RNF6: variants seen among roughly 807,000 people sequenced by gnomAD.
The protein encoded by RNF6 is E3 ubiquitin-protein ligase RNF6.
RNF6 carries 21 observed loss-of-function variants against 50.1 expected under a neutral mutation model. The ratio of observed to expected loss-of-function variants is 0.42; its 90% confidence interval spans 0.30 to 0.60. The LOEUF is 0.60. Among genes scored for constraint, RNF6 ranks in the 20% least tolerant of loss-of-function variants. The pLI is 0.20. For synonymous variants in RNF6, 255 were observed against 291.8 expected, an observed-to-expected ratio of 0.87 and a Z score of 1.29; for missense variants, 698 against 838.2, an observed-to-expected ratio of 0.83 and a Z score of 2.07.
chr13:26,172,307 C>G (rs972857074), intron 5 of RNF6, among the ~76,000 whole-genome samples: 2 of 152,064 alleles, frequency 1.3e-5, no homozygotes, highest in African/African-American at 4.8e-5. Context: ...TCTTCCACTA[C>G]TCACAAAAAT....
Position 26,199,983 on chromosome 13 carries a change from C to T in RNF6, n.768+15491G>A, listed in dbSNP as rs552163981. Reference sequence around the variant, plus strand: ...TCCCAGCGAGCTCTCACCCCTTCCACCCTGTGGAAGAAGCCACTTATGAAG... The same window carrying T: ...TCCCAGCGAGCTCTCACCCCTTCCATCCTGTGGAAGAAGCCACTTATGAAG... On this transcript the variant is annotated intron_variant and non_coding_transcript_variant, in intron 5 of 5. Coordinates refer to the RNF6 transcript ENST00000468480. Among the ~76,000 whole-genome samples the T allele has an allele frequency of 2.6e-5, 4 of 152,232 alleles. No homozygotes were observed. The East Asian group carries it at 5.8e-4, about 22-fold the overall frequency.
rs1410335680 is a variant in RNF6, at chr13:26,213,804, T to G, written c.*20A>C. On this transcript the variant is annotated 3_prime_UTR_variant, in exon 5 of 5. Coordinates refer to ENST00000381588, the MANE Select transcript of RNF6 (RefSeq NM_005977.4). Reference sequence around the variant, plus strand: ...CATTCAGTTCTACTAAAAAACAGTATTTGAGTAGATCCCATCACCTTACCC... The same window carrying G: ...CATTCAGTTCTACTAAAAAACAGTAGTTGAGTAGATCCCATCACCTTACCC... The G allele has an allele frequency of 1.3e-6, 2 of 1,558,402 alleles. No homozygotes were observed. The highest frequency in any genetic ancestry group is 3.8e-5 in the Admixed American group (2 of 53,146).
At chr13:26,216,632 T>C (rs1869903455) in intron 4 of RNF6, among the ~76,000 whole-genome samples, 1 of 152,114 alleles carries the variant, frequency 6.6e-6, no homozygotes, top group African/African-American at 2.4e-5. Context: ...CTACACAAAC[T>C]TCAACTTTAA....
Position 26,214,263 on chromosome 13 carries a change from C to A in RNF6, c.1619G>T (p.Arg540Met). ...TTCAGTGCTGTCTCCTTGGGCCTGC[C>A]TGTCTTGAGAGGAACCTTCCCTGTG... is the stretch of plus-strand genomic sequence containing the variant. Reference protein sequence around the residue: ...SQHREGSSQDRQAQGDSTEMH... With the variant: ...SQHREGSSQDMQAQGDSTEMH... Residue 540 changes from arginine to methionine, a missense_variant, in exon 5 of 5, where the codon AGG (arginine) becomes ATG (methionine). Coordinates refer to ENST00000381588, the MANE Select transcript of RNF6 (RefSeq NM_005977.4). The A allele has an allele frequency of 6.2e-7, 1 of 1,614,150 alleles. No individual in the cohort carries two copies. Among genetic ancestry groups the A allele is most frequent in the South Asian group, 1.1e-5 (1 of 91,082 alleles).
chr13:26,147,785 C>G (rs891669305), intron 5 of RNF6, among the ~76,000 whole-genome samples: 2 of 152,154 alleles, frequency 1.3e-5, no homozygotes, highest in Non-Finnish European at 2.9e-5. Flanking sequence ...CTACAGGACA[C>G]AAGAGTCTCC....
intron 5 of RNF6, among the ~76,000 whole-genome samples, chr13:26,138,953 T>C (rs1229446500): frequency 1.3e-5 from 2 of 152,220 alleles, no homozygotes; most frequent in Non-Finnish European, 2.9e-5. Context: ...AAATTATTCT[T>C]CTTCTTTGTA....
rs185598317 is a variant in RNF6 at position 26,205,808 on chromosome 13, G to A, written n.768+9666C>T. On this transcript the variant is annotated intron_variant and non_coding_transcript_variant, in intron 5 of 5. Coordinates refer to the RNF6 transcript ENST00000468480. ...GCAGGAGGATCGCTTGAGTCCAGGA[G>A]TTTGAGACCAGCCTGTCACATGTCG... 1.5e-3 allele frequency among the ~76,000 whole-genome samples: 222 copies of A among 152,320 alleles called. 1 individual carries two copies. Among genetic ancestry groups the A allele is most frequent in the Non-Finnish European group, 1.8e-4 (12 of 68,032 alleles).
At position 26,147,659 on chromosome 13, in the gene RNF6, A is replaced by G. The variant is rs548053713; in HGVS notation, n.769-15208T>C. Among the ~76,000 whole-genome samples, 31 of 152,236 alleles carry G rather than the reference A, an allele frequency of 2.0e-4. 1 individual carries two copies. Among genetic ancestry groups the G allele is most frequent in the African/African-American group, 7.2e-4 (30 of 41,556 alleles). ...TTAGGATCTCATTCTTTCCCAATCC[A>G]TGTTCTCATTTAAGAGTAGAACTCC... On this transcript the variant is annotated intron_variant and non_coding_transcript_variant, in intron 5 of 5. Coordinates refer to the RNF6 transcript ENST00000468480.
At chr13:26,189,957 T>G (rs567564814) in intron 5 of RNF6, among the ~76,000 whole-genome samples, 2 of 152,216 alleles carry the variant, frequency 1.3e-5, no homozygotes, top group Non-Finnish European at 2.9e-5. Flanking sequence ...TTCCACAAAT[T>G]TGATGGATTA....
intron 5 of RNF6, among the ~76,000 whole-genome samples, chr13:26,178,235 A>C (rs1328621207): frequency 2.0e-5 from 3 of 152,170 alleles, no homozygotes; most frequent in Non-Finnish European, 4.4e-5. Flanking sequence ...GCTAATATGC[A>C]ACAGAAATTT....
At chr13:26,211,929 T>A (rs1460945576), downstream of RNF6, among the ~76,000 whole-genome samples, 1 of 152,208 alleles carries the variant, frequency 6.6e-6, no homozygotes, top group Non-Finnish European at 1.5e-5. Context: ...CCTAGGTGAT[T>A]CTCTCTTCCA....
At chr13:26,138,618 G>C (rs1322748705) in intron 5 of RNF6, among the ~76,000 whole-genome samples, 1 of 152,140 alleles carries the variant, frequency 6.6e-6, no homozygotes, top group African/African-American at 2.4e-5. Context: ...AGGGGGTGAA[G>C]CTATTTTGGA....
chr13:26,168,134 A>C (rs756566721), intron 5 of RNF6, among the ~76,000 whole-genome samples: 11 of 152,232 alleles, frequency 7.2e-5, no homozygotes, highest in Non-Finnish European at 1.5e-4. Flanking sequence ...TAATCTGTAC[A>C]ATCAATCCCC....
chr13:26,138,280 G>C (rs1870752639), intron 5 of RNF6, among the ~76,000 whole-genome samples: 1 of 152,104 alleles, frequency 6.6e-6, no homozygotes, highest in Admixed American at 6.5e-5. Flanking sequence ...TGAGGGAATA[G>C]TTATGACATT....
chr13:26,210,099 CCAT>C (rs1168857276), downstream of RNF6, among the ~76,000 whole-genome samples: 17 of 152,142 alleles, frequency 1.1e-4, no homozygotes, highest in Admixed American at 1.0e-3. Flanking sequence ...CCACTGACAG[CCAT>C]CATCATCTTT....
chr13:26,153,525 G>T (rs567459774), intron 5 of RNF6, among the ~76,000 whole-genome samples: 1 of 152,250 alleles, frequency 6.6e-6, no homozygotes, highest in South Asian at 2.1e-4. Context: ...TATTTTAAAA[G>T]AATGGGTAGG....
chr13:26,155,138 A>C (rs937750044), intron 5 of RNF6, among the ~76,000 whole-genome samples: 1 of 151,982 alleles, frequency 6.6e-6, no homozygotes, highest in Admixed American at 6.6e-5. Context: ...TAGGTATTTT[A>C]TTATTAAAAG....
At chr13:26,201,149 A>G (rs146257396) in intron 5 of RNF6, among the ~76,000 whole-genome samples, 1 of 152,182 alleles carries the variant, frequency 6.6e-6, no homozygotes, top group Admixed American at 6.5e-5. Context: ...TTTTTTTAAC[A>G]ATGGACCCCA....
At chr13:26,174,141 A>G (rs148496398) in intron 5 of RNF6, among the ~76,000 whole-genome samples, 1 of 152,166 alleles carries the variant, frequency 6.6e-6, no homozygotes, top group African/African-American at 2.4e-5. Context: ...CAGCAGGTAA[A>G]TTACATATGA....
Sources: allele counts gnomAD v4.1 joint callset (sites outside exome capture counted in the v4.1 genomes callset), GRCh38; gene constraint gnomAD v4.1.1; transcripts MANE v1.5; gene names NCBI Gene and HGNC (gene_info 2026-07-23, HGNC 2026-07-21).